Variants in DENND5A observed in about 807,000 individuals in gnomAD.
The protein encoded by DENND5A is DENN domain containing 5A, also known as DENN domain-containing protein 5A.
Under a neutral mutation model 140.3 loss-of-function variants are expected in DENND5A, and 64 were observed. That is an observed-to-expected ratio of 0.46 (90% confidence interval 0.37 to 0.56). The LOEUF is 0.56. DENND5A is among the 20% of genes least tolerant of loss of function. The probability of loss-of-function intolerance (pLI) is 0.00; values close to 1 mark genes in which losing one functional copy is unlikely to be tolerated. For missense variants in DENND5A, 1,292 were observed against 1,593.8 expected, an observed-to-expected ratio of 0.81 and a Z score of 3.22; for synonymous variants, 605 against 607.7, an observed-to-expected ratio of 1.00 and a Z score of 0.07.
intron 5 of DENND5A, 23 bp downstream of exon 5, chr11:9,193,471 G>C (rs772822788): frequency 1.3e-6 from 2 of 1,556,098 alleles, no homozygotes; most frequent in Non-Finnish European, 1.7e-6. Flanking sequence ...TGGGGCCAGA[G>C]GCACCAACAC....
chr11:9,246,323 G>C (rs1198989982), intron 1 of DENND5A, among the ~76,000 whole-genome samples: 1 of 152,064 alleles, frequency 6.6e-6, no homozygotes, highest in Non-Finnish European at 1.5e-5. Context: ...TTAGATAAAA[G>C]GATGTAGGGC....
intron 5 of DENND5A, among the ~76,000 whole-genome samples, chr11:9,184,170 G>A (rs888243989): frequency 6.6e-6 from 1 of 151,996 alleles, no homozygotes; most frequent in Non-Finnish European, 1.5e-5. Context: ...AGCCAACATG[G>A]TGAAACCCTG....
intron 1 of DENND5A, among the ~76,000 whole-genome samples, chr11:9,219,340 T>C (rs952153322): frequency 6.6e-6 from 1 of 152,116 alleles, no homozygotes; most frequent in Non-Finnish European, 1.5e-5. Context: ...CAAGGAAAGA[T>C]ATCTGAATAG....
chr11:9,257,889 T>C (rs1852019927), intron 1 of DENND5A, among the ~76,000 whole-genome samples: 1 of 151,732 alleles, frequency 6.6e-6, no homozygotes, highest in Admixed American at 6.6e-5. Context: ...GCCTCCCAGA[T>C]TCAAGCGATT....
chr11:9,213,396 A>AT (rs1377625282), intron 1 of DENND5A, among the ~76,000 whole-genome samples: 1 of 151,932 alleles, frequency 6.6e-6, no homozygotes, highest in Non-Finnish European at 1.5e-5. Context: ...AAATAAATCT[A>AT]TAATTACCTC....
At chr11:9,264,413 G>T (rs1370604192) in intron 1 of DENND5A, among the ~76,000 whole-genome samples, 1 of 152,006 alleles carries the variant, frequency 6.6e-6, no homozygotes, top group Non-Finnish European at 1.5e-5. Context: ...TCTTCTTGGT[G>T]CCGCCCAAGT....
chr11:9,176,956 T>C, intron 8 of DENND5A: 1 of 456,026 alleles, frequency 2.2e-6, no homozygotes, highest in Non-Finnish European at 4.4e-6. Context: ...TCCTTTCTGA[T>C]AAAAGTGGGA....
At chr11:9,170,580 T>A in intron 9 of DENND5A, 47 bp downstream of exon 9, 1 of 1,610,844 alleles carries the variant, frequency 6.2e-7, no homozygotes, top group Admixed American at 1.7e-5. Context: ...TAGATGACCC[T>A]ATTACAGCTA....
chr11:9,185,928 T>C (rs896440877), intron 5 of DENND5A, among the ~76,000 whole-genome samples: 8 of 152,160 alleles, frequency 5.3e-5, no homozygotes, highest in African/African-American at 1.7e-4. Flanking sequence ...TTTCTGTGTG[T>C]TGTCTCTGTG....
intron 13 of DENND5A, 58 bp from the exon 14 acceptor site, chr11:9,150,822 C>T (rs1047488892): frequency 3.6e-6 from 4 of 1,117,960 alleles, no homozygotes; most frequent in Non-Finnish European, 4.0e-6. Flanking sequence ...TAGCTGACTG[C>T]CCTTCCCTTA....
intron 8 of DENND5A, among the ~76,000 whole-genome samples, chr11:9,173,421 T>C (rs1848439427): frequency 1.3e-5 from 2 of 152,230 alleles, no homozygotes; most frequent in Non-Finnish European, 2.9e-5. Flanking sequence ...TAAACAAAAA[T>C]GACCATGTAG....
intron 19 of DENND5A, among the ~76,000 whole-genome samples, chr11:9,143,853 T>C (rs1011420987): frequency 1.3e-5 from 2 of 152,198 alleles, no homozygotes; most frequent in African/African-American, 4.8e-5. Context: ...CATGAATATA[T>C]ACAGCGCCCA....
At chr11:9,196,448 C>T (rs1849332006) in intron 4 of DENND5A, among the ~76,000 whole-genome samples, 1 of 152,004 alleles carries the variant, frequency 6.6e-6, no homozygotes, top group Non-Finnish European at 1.5e-5. Flanking sequence ...AGTATATACA[C>T]GGCTATATCT....
chr11:9,201,110 T>C (rs1442469309), intron 4 of DENND5A, among the ~76,000 whole-genome samples: 1 of 152,052 alleles, frequency 6.6e-6, no homozygotes, highest in Non-Finnish European at 1.5e-5. Context: ...GAAACACTCT[T>C]CATTATGGTA....
rs1441682570 is a variant in DENND5A at position 9,199,021 on chromosome 11, C to T, written c.949+4639G>A. ...GCAATGAGCCGAGATCATGCCACTG[C>T]ATTCTAGCTTAGGCAACAAGAGCAA... On this transcript the variant is annotated intron_variant, in intron 4 of 22. Transcript: ENST00000328194. Among the ~76,000 whole-genome samples the T allele has an allele frequency of 2.0e-4, 18 of 89,880 alleles. 4 individuals carry two copies. The allele number at this position is 89,880 out of a possible 152,430, so 59.0% of individuals were successfully genotyped here. A position where few individuals can be genotyped will look rare whatever the true frequency, so the allele number is the denominator to read the frequency against.
At chr11:9,172,530 G>T (rs983054396) in intron 8 of DENND5A, among the ~76,000 whole-genome samples, 11 of 152,148 alleles carry the variant, frequency 7.2e-5, no homozygotes, top group African/African-American at 2.4e-4. Flanking sequence ...GAATCACAGG[G>T]GCGGTTTCCC....
chr11:9,185,975 T>C (rs1021254065), intron 5 of DENND5A, among the ~76,000 whole-genome samples: 2 of 152,114 alleles, frequency 1.3e-5, no homozygotes, highest in African/African-American at 2.4e-5. Flanking sequence ...TAATAAAAAA[T>C]AAAAAAGAAG....
intron 12 of DENND5A, among the ~76,000 whole-genome samples, chr11:9,158,549 AAAATT>A (rs986160494): frequency 6.6e-6 from 1 of 152,126 alleles, no homozygotes; most frequent in Non-Finnish European, 1.5e-5. Context: ...TGCTGTCTCA[AAAATT>A]AAATTAAATT....
In DENND5A at chr11:9,202,756, C is replaced by T. The variant is rs372481804; in HGVS notation, c.949+904G>A. ...ACCCAGCTTCTGGTTCTTGAATACA[C>T]GAAGCACATTCTTGTCTTAGACCGT... On this transcript the variant is annotated intron_variant, in intron 4 of 22. Transcript: ENST00000328194. Among the ~76,000 whole-genome samples the T allele has an allele frequency of 6.6e-5, 10 of 152,236 alleles. No homozygotes were observed. In the East Asian group the frequency reaches 1.4e-3, roughly 21 times the overall value.
Sources: allele counts gnomAD v4.1 joint callset (sites outside exome capture counted in the v4.1 genomes callset), GRCh38; gene constraint gnomAD v4.1.1; transcripts MANE v1.5; gene names NCBI Gene and HGNC (gene_info 2026-07-23, HGNC 2026-07-21).